The following RGP1 variants were observed in gnomAD, a reference collection of about 807,000 sequenced individuals.
RGP1 encodes the protein RAB6A-GEF complex partner protein 2.
In RGP1, 28 loss-of-function variants were observed where a neutral mutation model predicts 44.5. The ratio of observed to expected loss-of-function variants is 0.63; its 90% CI spans 0.47 to 0.86. The LOEUF is 0.86. RGP1 is among the 40% of genes least tolerant of loss of function. The probability of loss-of-function intolerance (pLI) is 0.00; values close to 1 mark genes in which losing one functional copy is unlikely to be tolerated. For synonymous variants in RGP1, 212 were observed against 196.7 expected (o/e 1.08, Z -0.65); for missense variants, 417 against 490.7 (o/e 0.85, Z 1.42).
At chr9:35,762,774 A>ACCC (rs1201721557), downstream of RGP1, among the ~76,000 whole-genome samples, 3 of 152,180 alleles carry the variant, frequency 2.0e-5, no homozygotes, top group Non-Finnish European at 2.9e-5. Context: ...TTCAACCAGA[A>ACCC]CAATCTTGCT....
chr9:35,760,376 T>G (rs185044262), downstream of RGP1, among the ~76,000 whole-genome samples: 14 of 152,312 alleles, frequency 9.2e-5, no homozygotes, highest in East Asian at 2.5e-3. Flanking sequence ...CATCGTAGGA[T>G]GCTTAGCATC....
chr9:35,749,884 G>T lies in RGP1; in HGVS notation c.116+13G>T. The T allele has an allele frequency of 6.4e-7, 1 of 1,570,054 alleles. No individual in the cohort carries two copies. The highest frequency in any genetic ancestry group is 1.4e-5 in the African/African-American group (1 of 73,874). ...CTTCTGCATCCAGGTGGGGATGCTGGCACTGAAGGTGGTGGCCCTTCTGGG... is the reference window on the plus strand; with the variant it reads ...CTTCTGCATCCAGGTGGGGATGCTGTCACTGAAGGTGGTGGCCCTTCTGGG... On this transcript the variant is annotated intron_variant, in intron 2 of 8. Coordinates refer to ENST00000378078, the MANE Select transcript of RGP1 (RefSeq NM_001080496.3). The surrounding 1 kb of genome is among the most constrained non-coding windows in gnomAD (Gnocchi z 4.4).
chr9:35,779,239 C>G, the RGP1 span, among the ~76,000 whole-genome samples: 11 of 152,162 alleles, frequency 7.2e-5, no homozygotes, highest in African/African-American at 2.4e-4. Flanking sequence ...CACCCCACCT[C>G]CATTCCCAGG....
At chr9:35,783,110 T>G in the RGP1 span, among the ~76,000 whole-genome samples, 316 of 152,248 alleles carry the variant, frequency 2.1e-3, no homozygotes, top group Middle Eastern at 3.4e-3. Flanking sequence ...CGCCTGGCCC[T>G]TAATTTTTTT....
chr9:35,752,958 G>A lies in RGP1; in HGVS notation c.*84G>A, dbSNP rs1827293548. On this transcript the variant is annotated 3_prime_UTR_variant, in exon 9 of 9. Coordinates refer to ENST00000378078, the MANE Select transcript of RGP1 (RefSeq NM_001080496.3). ...TAATGGGACCCACTTTTTCCACCTG[G>A]GGTCCAATGTCGTGGACAGTGAGAG... is the stretch of plus-strand genomic sequence containing the variant. 2.6e-6 allele frequency: 4 copies of A among 1,537,006 alleles called. No homozygotes were observed. Among genetic ancestry groups the A allele is most frequent in the South Asian group, 1.2e-5 (1 of 85,736 alleles).
chr9:35,750,122 A>G (rs1031896940), intron 2 of RGP1, 121 bp from the exon 3 acceptor site: 79 of 1,385,916 alleles, frequency 5.7e-5, no homozygotes, highest in Non-Finnish European at 7.3e-5. Context: ...GGGATTGTGG[A>G]TTTCCTGATC....
the RGP1 span, among the ~76,000 whole-genome samples, chr9:35,779,854 C>T: frequency 6.6e-6 from 1 of 152,112 alleles, no homozygotes; most frequent in Non-Finnish European, 1.5e-5. Context: ...CCTGCCTCAG[C>T]CTTCTGAGTA....
the RGP1 span, among the ~76,000 whole-genome samples, chr9:35,764,747 T>C: frequency 6.6e-6 from 1 of 152,256 alleles, no homozygotes; most frequent in Non-Finnish European, 1.5e-5. Flanking sequence ...GAGTTTCATG[T>C]AAATGGAGTC....
chr9:35,771,421 A>C, the RGP1 span, among the ~76,000 whole-genome samples: 1 of 152,126 alleles, frequency 6.6e-6, no homozygotes, highest in African/African-American at 2.4e-5. Flanking sequence ...TTTATTAGCT[A>C]GATGTTAAGG....
At chr9:35,752,367 C>T (rs980648890) in intron 8 of RGP1, among the ~76,000 whole-genome samples, 2 of 152,198 alleles carry the variant, frequency 1.3e-5, no homozygotes, top group African/African-American at 4.8e-5. Context: ...CCACACCTAC[C>T]TACTAGGACC....
In RGP1 at chr9:35,757,421, C is replaced by T. The variant is rs1827374118; in HGVS notation, c.*4547C>T. ...AGAACTTGGCGGGCCGAGAGCAGAC[C>T]CCAGGGCAAGGAGGGGCCCCCGAGG... On this transcript the variant is annotated 3_prime_UTR_variant, in exon 9 of 9. Transcript: ENST00000378078. The T allele has an allele frequency of 6.5e-6, 1 of 152,700 alleles. No homozygotes were observed. Among genetic ancestry groups the T allele is most frequent in the East Asian group, 1.9e-4 (1 of 5,184 alleles). 9.5% of individuals were successfully genotyped at this position (152,700 alleles called of 1,614,324 possible).
At chr9:35,758,889 CCTTT>C (rs1437854826), downstream of RGP1, among the ~76,000 whole-genome samples, 2 of 152,108 alleles carry the variant, frequency 1.3e-5, no homozygotes, top group African/African-American at 4.8e-5. Flanking sequence ...CGTTTTTCCT[CCTTT>C]CTCTTTAGTA....
downstream of RGP1, among the ~76,000 whole-genome samples, chr9:35,760,059 G>C (rs938708564): frequency 6.6e-6 from 1 of 151,146 alleles, no homozygotes; most frequent in Non-Finnish European, 1.5e-5. Context: ...TCCCTTTTTT[G>C]GTTCACCCTT....
In RGP1 at chr9:35,749,421, G is replaced by C. The variant is rs112104817; in HGVS notation, c.-20+13G>C. 3.0e-3 allele frequency: 1,706 copies of C among 571,662 alleles called. 24 individuals are homozygous for C. Among genetic ancestry groups the C allele is most frequent in the African/African-American group, 0.027 (1,435 of 53,434 alleles). The allele number at this position is 571,662 out of a possible 1,614,324, so 35.4% of individuals were successfully genotyped here. ...TCGACTATGCGAGGTGACTAGCGGC[G>C]GTGATCTTGGGCTGGGACGTGGAAC... is the stretch of plus-strand genomic sequence containing the variant. On this transcript the variant is annotated intron_variant, in intron 1 of 8. Coordinates refer to ENST00000378078, the MANE Select transcript of RGP1 (RefSeq NM_001080496.3). This position sits in a 1 kb window ranked among gnomAD's most constrained non-coding sequence, Gnocchi z 4.4.
chr9:35,778,679 C>G, the RGP1 span, among the ~76,000 whole-genome samples: 1 of 152,160 alleles, frequency 6.6e-6, no homozygotes, highest in East Asian at 1.9e-4. Flanking sequence ...TGCCTACATA[C>G]CCACTCCCTC....
the RGP1 span, among the ~76,000 whole-genome samples, chr9:35,783,008 C>T: frequency 6.6e-6 from 1 of 151,716 alleles, no homozygotes; most frequent in African/African-American, 2.4e-5. Flanking sequence ...GAGATTTCTC[C>T]ATGTTGGTCG....
At chr9:35,752,630 C>G in intron 8 of RGP1, 21 bp from the exon 9 acceptor site, 1 of 1,577,998 alleles carries the variant, frequency 6.3e-7, no homozygotes, top group Non-Finnish European at 8.7e-7. Context: ...ATGCTTCTAC[C>G]TTAATCTTTT....
the RGP1 span, among the ~76,000 whole-genome samples, chr9:35,785,643 G>C: frequency 6.6e-6 from 1 of 152,274 alleles, no homozygotes; most frequent in African/African-American, 2.4e-5. Context: ...GAGACCCAGA[G>C]AGAAGGCAGA....
chr9:35,777,710 T>A, the RGP1 span, among the ~76,000 whole-genome samples: 1 of 152,212 alleles, frequency 6.6e-6, no homozygotes, highest in African/African-American at 2.4e-5. Flanking sequence ...ACTTTATCTT[T>A]TGGTTCCAAA....
Sources: gnomAD v4.1 joint callset for allele counts (sites outside exome capture counted in the v4.1 genomes callset) on GRCh38, gnomAD v4.1.1 for gene constraint, Gnocchi (gnomAD v3.1) non-coding constraint, MANE v1.5 for transcripts, NCBI Gene and HGNC (gene_info 2026-07-23, HGNC 2026-07-21) for gene names.